Variants in CHRNA3 observed in about 807,000 individuals in gnomAD.
The protein encoded by CHRNA3 is cholinergic receptor nicotinic alpha 3 subunit, also known as neuronal acetylcholine receptor subunit alpha-3.
A neutral mutation model predicts 41.9 loss-of-function variants in CHRNA3; 34 were observed. The observed-to-expected ratio is 0.81, with a 90% confidence interval of 0.62 to 1.08. CHRNA3 has a LOEUF of 1.08. Ranked by LOEUF, CHRNA3 falls within the 50% of genes least tolerant of loss-of-function variation. The pLI, the probability that CHRNA3 is intolerant of heterozygous loss-of-function variation, is 0.00. For synonymous variants in CHRNA3, 281 were observed against 265.2 expected (o/e 1.06, Z -0.58); for missense variants, 542 against 638.3 (o/e 0.85, Z 1.63).
In CHRNA3 at chr15:78,618,044, C is replaced by T. The variant is rs556859808; in HGVS notation, c.267+573G>A. 5.9e-5 allele frequency among the ~76,000 whole-genome samples: 9 copies of T among 152,254 alleles called. No individual in the cohort carries two copies. In the South Asian group the frequency reaches 6.2e-4, roughly 11 times the overall value. ...TGTGGTTTGCTTGAGATCAGGCGTTCGAGACCAGCCTGGGCAACATGGCGA... is the reference window on the plus strand; with the variant it reads ...TGTGGTTTGCTTGAGATCAGGCGTTTGAGACCAGCCTGGGCAACATGGCGA... On this transcript the variant is annotated intron_variant, in intron 3 of 5. Coordinates refer to ENST00000326828, the MANE Select transcript of CHRNA3 (RefSeq NM_000743.5).
chr15:78,602,063 G>A lies in CHRNA3; in HGVS notation c.579C>T (p.Gly193=), dbSNP rs1480732146. 1.2e-6 allele frequency: 2 copies of A among 1,614,088 alleles called. No homozygotes were observed. The highest frequency in any genetic ancestry group is 1.6e-4 in the Middle Eastern group (1 of 6,084). The part of the protein sequence containing the change: ...DKAKIDLVLI[G]SSMNLKDYWE... The stretch of plus-strand genomic sequence containing the variant: ...AATAGTCCTTGAGGTTCATGGAAGA[G>A]CCGATCAGGACCAGATCGATTTTCG... Residue 193 remains glycine, a synonymous_variant, in exon 5 of 6, where the codon GGC becomes GGT. Coordinates refer to ENST00000326828, the MANE Select transcript of CHRNA3 (RefSeq NM_000743.5).
intron 5 of CHRNA3, chr15:78,599,833 T>C (rs2053169967): frequency 4.1e-5 from 1 of 24,664 alleles, no homozygotes; most frequent in Admixed American, 6.2e-4. Context: ...CTGACAAACA[T>C]GGCAAAATCC....
rs1002704522 is a variant in CHRNA3, at chr15:78,596,300, TCAA to T, written c.*301_*303del. On this transcript the variant is annotated 3_prime_UTR_variant, in exon 6 of 6. Coordinates refer to ENST00000326828, the MANE Select transcript of CHRNA3 (RefSeq NM_000743.5). The stretch of plus-strand genomic sequence containing the variant: ...CAGCATTTTTCTATCCAGTTTTGTT[TCAA>T]CAACTAAAAGGAAACATTTTTACAT... 15 of 1,012,976 alleles carry T rather than the reference TCAA, an allele frequency of 1.5e-5. No individual in the cohort carries two copies. The highest frequency in any genetic ancestry group is 8.6e-5 in the African/African-American group (5 of 58,312). 62.7% of individuals were successfully genotyped at this position (1,012,976 alleles called of 1,614,324 possible).
chr15:78,614,181 C>T (rs1292001165), intron 4 of CHRNA3, among the ~76,000 whole-genome samples: 2 of 152,206 alleles, frequency 1.3e-5, no homozygotes, highest in Non-Finnish European at 2.9e-5. Context: ...AGTACTCCAG[C>T]TGTTCACTCA....
Position 78,596,729 on chromosome 15 carries a change from G to C in CHRNA3, c.1393C>G (p.Gln465Glu), listed in dbSNP as rs966199601. 1 of 1,598,888 alleles carries C rather than the reference G, an allele frequency of 6.3e-7. No individual in the cohort carries two copies. The highest frequency in any genetic ancestry group is 8.5e-7 in the Non-Finnish European group (1 of 1,176,524). The change falls in exon 6 of 6, where the codon CAA (glutamine) becomes GAA (glutamate). Residue 465 changes from glutamine (Q) to glutamate (E), a missense_variant. Transcript: ENST00000326828. ...ATGGCAACATACTTCCAATCATCTT[G>C]AATCTGCAAAACAAAATGATAAAAG... The part of the protein sequence containing the change: ...MKAQNEAKEI[Q>E]DDWKYVAMVI...
chr15:78,601,728 C>T lies in CHRNA3; in HGVS notation c.914G>A (p.Gly305Glu), dbSNP rs1178058626. Reference protein sequence around the residue: ...PSTSLVIPLIGEYLLFTMIFV... With the variant: ...PSTSLVIPLIEEYLLFTMIFV... ...AATCATGGTGAACAGGAGGTACTCT[C>T]CAATCAGGGGGATGACCAGCGAGGT... Residue 305 changes from glycine (G) to glutamate (E), a missense_variant, in exon 5 of 6, where the codon GGA becomes GAA. Gly to Glu is a moderately conservative substitution (Grantham distance 98). Coordinates refer to ENST00000326828, the MANE Select transcript of CHRNA3 (RefSeq NM_000743.5). The T allele has an allele frequency of 6.2e-7, 1 of 1,614,084 alleles. No individual in the cohort carries two copies. The highest frequency in any genetic ancestry group is 1.1e-5 in the South Asian group (1 of 91,076).
At chr15:78,616,801 A>C (rs1469802136) in intron 4 of CHRNA3, among the ~76,000 whole-genome samples, 1 of 151,974 alleles carries the variant, frequency 6.6e-6, no homozygotes, top group Non-Finnish European at 1.5e-5. Context: ...CCACCCACCC[A>C]TGCCTGCTTT....
chr15:78,618,794 C>A lies in CHRNA3; in HGVS notation c.204G>T (p.Met68Ile), dbSNP rs776823198. 6.2e-7 allele frequency: 1 copy of A among 1,614,038 alleles called. No individual in the cohort carries two copies. The highest frequency in any genetic ancestry group is 8.5e-7 in the Non-Finnish European group (1 of 1,180,056). Residue 68 changes from methionine to isoleucine, a missense_variant, in exon 2 of 6, where the codon ATG becomes ATT. By Grantham distance (10) the Met-to-Ile change is conservative. Transcript: ENST00000326828. ...CACTCACCACCTTCACCAGCTGAGA[C>A]ATGGACACCTCGAAATGGATGATGA... Reference protein sequence around the residue: ...DPVIIHFEVSMSQLVKVDEVN... With the variant: ...DPVIIHFEVSISQLVKVDEVN...
intron 3 of CHRNA3, chr15:78,618,306 G>C: frequency 2.8e-6 from 1 of 351,344 alleles, no homozygotes; most frequent in Admixed American, 4.3e-5. Context: ...CACCACCCCA[G>C]GGTTTGGGGG....
Position 78,601,479 on chromosome 15 carries a change from G to C in CHRNA3, c.1163C>G (p.Ser388Cys). The change falls in exon 5 of 6, where the codon TCC becomes TGC. Residue 388 changes from serine to cysteine, a missense_variant. Transcript: ENST00000326828. ...SNLNCFSRAE[S>C]KGCKEGYPCQ... ...GGGGTAGCCCTCCTTGCAGCCTTTG[G>C]ACTCTGCGCGGCTGAAGCAATTCAG... is the stretch of plus-strand genomic sequence containing the variant. 6.2e-7 allele frequency: 1 copy of C among 1,614,112 alleles called. No homozygotes were observed. The highest frequency in any genetic ancestry group is 1.6e-4 in the Middle Eastern group (1 of 6,062).
intron 4 of CHRNA3, among the ~76,000 whole-genome samples, chr15:78,614,946 C>A (rs958075735): frequency 7.2e-5 from 11 of 152,040 alleles, no homozygotes; most frequent in Non-Finnish European, 1.6e-4. Context: ...AGAGGAAGAA[C>A]CTTTGCAAGA....
intron 4 of CHRNA3, among the ~76,000 whole-genome samples, chr15:78,613,542 G>T (rs2053413421): frequency 6.9e-6 from 1 of 145,480 alleles, no homozygotes; most frequent in Non-Finnish European, 1.5e-5. Context: ...GACACAGGAA[G>T]GGGAACATCA....
At chr15:78,603,325 G>A (rs1177073568) in intron 4 of CHRNA3, among the ~76,000 whole-genome samples, 1 of 152,148 alleles carries the variant, frequency 6.6e-6, no homozygotes, top group East Asian at 1.9e-4. Context: ...AGACATGTAC[G>A]TTTTTCTAGG....
At chr15:78,609,019 G>A (rs2141335161) in intron 4 of CHRNA3, among the ~76,000 whole-genome samples, 1 of 152,220 alleles carries the variant, frequency 6.6e-6, no homozygotes, top group Middle Eastern at 3.4e-3. Context: ...AAGTGAGAAG[G>A]GAAGTTTAGA....
chr15:78,607,185 TC>T (rs1256827725), intron 4 of CHRNA3, among the ~76,000 whole-genome samples: 1 of 137,044 alleles, frequency 7.3e-6, no homozygotes, highest in Non-Finnish European at 1.5e-5. Flanking sequence ...GCCAAGGCAC[TC>T]CAGCCTGGCC....
chr15:78,620,930 C>T lies in CHRNA3; in HGVS notation c.-136G>A. On this transcript the variant is annotated 5_prime_UTR_variant, in exon 1 of 6. Coordinates refer to ENST00000326828, the MANE Select transcript of CHRNA3 (RefSeq NM_000743.5). ...GCGGGCGGAGACGCGCGGGGCTCCTCTCCGCTTCGCCGCCGCTGGGTTTCC... is the reference window on the plus strand; with the variant it reads ...GCGGGCGGAGACGCGCGGGGCTCCTTTCCGCTTCGCCGCCGCTGGGTTTCC... 1.7e-6 allele frequency: 2 copies of T among 1,147,168 alleles called. No individual in the cohort carries two copies. The highest frequency in any genetic ancestry group is 2.2e-6 in the Non-Finnish European group (2 of 912,244). 71.1% of individuals were successfully genotyped at this position (1,147,168 alleles called of 1,614,324 possible).
intron 4 of CHRNA3, among the ~76,000 whole-genome samples, chr15:78,613,463 C>T (rs1001077093): frequency 1.5e-4 from 22 of 148,108 alleles, no homozygotes; most frequent in African/African-American, 4.7e-4. Context: ...AGCAAACTAT[C>T]GCAAGGACAA....
chr15:78,602,731 GA>G (rs1331943730), intron 4 of CHRNA3, among the ~76,000 whole-genome samples: 1 of 152,140 alleles, frequency 6.6e-6, no homozygotes, highest in Non-Finnish European at 1.5e-5. Context: ...TATGGATGTG[GA>G]AGGGGCTGCA....
chr15:78,593,232 T>C (rs76071148), downstream of CHRNA3: 3 of 1,610,934 alleles, frequency 1.9e-6, no homozygotes, highest in Admixed American at 5.0e-5. Flanking sequence ...TACCAGTTCA[T>C]ATTGGAAATG....
Sources: gnomAD v4.1 joint callset for allele counts (sites outside exome capture counted in the v4.1 genomes callset) on GRCh38, gnomAD v4.1.1 for gene constraint, MANE v1.5 for transcripts, NCBI Gene and HGNC (gene_info 2026-07-23, HGNC 2026-07-21) for gene names.